The following TNR variants were observed in gnomAD, a reference collection of about 807,000 sequenced individuals.
TNR encodes the protein tenascin R, also known as tenascin-R.
A neutral mutation model predicts 150.4 loss-of-function variants in TNR; 45 were observed. That is an observed-to-expected ratio of 0.30 (90% CI 0.24 to 0.38). TNR has a LOEUF of 0.38. Ranked by LOEUF, TNR falls within the 10% of genes least tolerant of loss-of-function variation. The pLI is 1.00. For synonymous variants in TNR, 687 were observed against 678.4 expected (o/e 1.01, Z -0.20); for missense variants, 1,544 against 1,759.1 (o/e 0.88, Z 2.19).
chr1:175,553,923 A>G (rs921053873), intron 1 of TNR, among the ~76,000 whole-genome samples: 29 of 152,078 alleles, frequency 1.9e-4, no homozygotes, highest in African/African-American at 6.8e-4. Flanking sequence ...TGTGGGCAGA[A>G]CAAATGCATT....
chr1:175,316,086 A>G lies in TNR; in HGVS notation c.*7271T>C, dbSNP rs1034788748. On this transcript the variant is annotated 3_prime_UTR_variant, in exon 23 of 23. Transcript: ENST00000367674. ...TGTTCTGGGGTTCTTTCTTGGGGAG[A>G]TCTATTCCTTTATATATAAACATCA... is the stretch of plus-strand genomic sequence containing the variant. 1 of 152,154 alleles carries G rather than the reference A, an allele frequency of 6.6e-6. No individual in the cohort carries two copies. Among genetic ancestry groups the G allele is most frequent in the Admixed American group, 6.5e-5 (1 of 15,282 alleles). The allele number at this position is 152,154 out of a possible 1,614,324, so 9.4% of individuals were successfully genotyped here.
intron 1 of TNR, among the ~76,000 whole-genome samples, chr1:175,635,268 T>G (rs1412222261): frequency 2.6e-5 from 4 of 152,220 alleles, no homozygotes; most frequent in Non-Finnish European, 5.9e-5. Flanking sequence ...CTGGAGCAGC[T>G]CCATCTCGAG....
intron 2 of TNR, among the ~76,000 whole-genome samples, chr1:175,457,643 C>CA (rs892515625): frequency 2.5e-4 from 38 of 151,880 alleles, no homozygotes; most frequent in African/African-American, 6.8e-4. Flanking sequence ...GACCTTGAAG[C>CA]AAAAAAACAG....
At chr1:175,460,870 C>T (rs1303689428) in intron 2 of TNR, among the ~76,000 whole-genome samples, 1 of 152,170 alleles carries the variant, frequency 6.6e-6, no homozygotes, top group African/African-American at 2.4e-5. Context: ...CACACAGAAA[C>T]ACATGGATGC....
At chr1:175,594,705 A>C (rs890923913) in intron 1 of TNR, among the ~76,000 whole-genome samples, 1 of 152,056 alleles carries the variant, frequency 6.6e-6, no homozygotes, top group Non-Finnish European at 1.5e-5. Context: ...AGATACAAAA[A>C]TTATCCATGC....
At chr1:175,535,627 A>ATT (rs34901178) in intron 1 of TNR, among the ~76,000 whole-genome samples, 101 of 138,942 alleles carry the variant, frequency 7.3e-4, no homozygotes, top group African/African-American at 2.5e-3. Flanking sequence ...TGCCCGGCTA[A>ATT]TTTTTTTTTT....
intron 7 of TNR, 86 bp from the exon 8 acceptor site, chr1:175,386,387 G>T: frequency 2.2e-6 from 3 of 1,395,212 alleles, no homozygotes; most frequent in Non-Finnish European, 2.8e-6. Context: ...CCTTATGGAA[G>T]TCTGGTGAGT....
chr1:175,466,712 G>A (rs929157615), intron 2 of TNR, among the ~76,000 whole-genome samples: 2 of 152,192 alleles, frequency 1.3e-5, no homozygotes, highest in African/African-American at 4.8e-5. Flanking sequence ...GGACCACCTG[G>A]CATTGTCTGA....
chr1:175,452,646 C>T lies in TNR; in HGVS notation c.-63-45869G>A, dbSNP rs1656379049. Reference sequence around the variant, plus strand: ...GTGACAGAAGCTGGGACCTGTGGGGCCTAGTGGATGAGGGAAAAGAGTTTA... The same window carrying T: ...GTGACAGAAGCTGGGACCTGTGGGGTCTAGTGGATGAGGGAAAAGAGTTTA... On this transcript the variant is annotated intron_variant, in intron 2 of 22. Transcript: ENST00000367674. Among the ~76,000 whole-genome samples the T allele has an allele frequency of 4.6e-5, 7 of 152,142 alleles. No homozygotes were observed. The South Asian group carries it at 1.2e-3, about 27-fold the overall frequency.
chr1:175,353,148 G>T (rs1306885967), intron 18 of TNR, among the ~76,000 whole-genome samples: 1 of 151,438 alleles, frequency 6.6e-6, no homozygotes, highest in African/African-American at 2.4e-5. Flanking sequence ...GAGGCACAGT[G>T]GGAGGTGGTA....
Position 175,677,463 on chromosome 1 carries a change from G to A in TNR, c.-165+65763C>T, listed in dbSNP as rs182022750. Among the ~76,000 whole-genome samples the A allele has an allele frequency of 2.4e-3, 366 of 152,254 alleles. 2 individuals carry two copies. Among genetic ancestry groups the A allele is most frequent in the African/African-American group, 8.3e-3 (344 of 41,532 alleles). ...CACAGGAGGGAGAAGTCATCCTCAC[G>A]AGGGACTCTCCCATCAGAGCACATC... On this transcript the variant is annotated intron_variant, in intron 1 of 22. Transcript: ENST00000367674.
rs754333098 is a variant in TNR at position 175,417,075 on chromosome 1, G to GAAAGAAAGAAAGAAATAAATAAAT, written c.-63-10299_-63-10298insATTTATTTATTTCTTTCTTTCTTT. On this transcript the variant is annotated intron_variant, in intron 2 of 22. Transcript: ENST00000367674. ...AGAAAGAAAGAAAGAAAGAAAGAAA[G>GAAAGAAAGAAAGAAATAAATAAAT]AAATCTAAGAAGTGGTCTCTTCCCT... is the stretch of plus-strand genomic sequence containing the variant. Among the ~76,000 whole-genome samples the GAAAGAAAGAAAGAAATAAATAAAT allele has an allele frequency of 4.8e-4, 66 of 138,248 alleles. No homozygotes were observed. The East Asian group carries it at 5.4e-3, about 11-fold the overall frequency. 90.7% of individuals were successfully genotyped at this position (138,248 alleles called of 152,430 possible).
At chr1:175,342,494 T>C (rs1650570917) in intron 18 of TNR, among the ~76,000 whole-genome samples, 1 of 152,146 alleles carries the variant, frequency 6.6e-6, no homozygotes, top group South Asian at 2.1e-4. Flanking sequence ...TGGGATCATG[T>C]CATTTATGGA....
chr1:175,367,394 T>C (rs6697701), intron 9 of TNR, 97 bp from the exon 10 acceptor site: 658,021 of 943,698 alleles, frequency 0.7, 231,690 homozygotes, highest in East Asian at 0.84. Flanking sequence ...CCTATTCATA[T>C]CTTGTGTTTA....
intron 14 of TNR, among the ~76,000 whole-genome samples, chr1:175,361,812 C>T (rs1418891374): frequency 1.3e-5 from 2 of 152,190 alleles, no homozygotes; most frequent in Non-Finnish European, 2.9e-5. Context: ...GCTGTGCCTG[C>T]TAGTGAGTTC....
At chr1:175,336,026 G>T (rs978955621) in intron 19 of TNR, among the ~76,000 whole-genome samples, 1 of 152,180 alleles carries the variant, frequency 6.6e-6, no homozygotes, top group Non-Finnish European at 1.5e-5. Context: ...AAGTGTAGAG[G>T]CCCCTGATGA....
Position 175,613,532 on chromosome 1 carries a change from C to A in TNR, c.-164-85163G>T, listed in dbSNP as rs550264283. Among the ~76,000 whole-genome samples, 4 of 148,610 alleles carry A rather than the reference C, an allele frequency of 2.7e-5. No homozygotes were observed. The East Asian group carries it at 8.4e-4, about 31-fold the overall frequency. Reference sequence around the variant, plus strand: ...TCTCGCCTGCAGCTAATCTCACTGGCATGATTGGAGCCTGCCCTCTGTAGC... The same window carrying A: ...TCTCGCCTGCAGCTAATCTCACTGGAATGATTGGAGCCTGCCCTCTGTAGC... On this transcript the variant is annotated intron_variant, in intron 1 of 22. Coordinates refer to ENST00000367674, the MANE Select transcript of TNR (RefSeq NM_003285.3).
At chr1:175,565,271 A>G (rs2102214077) in intron 1 of TNR, among the ~76,000 whole-genome samples, 1 of 152,260 alleles carries the variant, frequency 6.6e-6, no homozygotes, top group Middle Eastern at 3.4e-3. Context: ...TCTTTTTAGC[A>G]TTTCCCTCCT....
chr1:175,695,193 C>T (rs972184500), intron 1 of TNR, among the ~76,000 whole-genome samples: 1 of 152,124 alleles, frequency 6.6e-6, no homozygotes, highest in African/African-American at 2.4e-5. Context: ...CTTTTTGGAT[C>T]CCTTGCTCTT....
Sources: allele counts gnomAD v4.1 joint callset (sites outside exome capture counted in the v4.1 genomes callset), GRCh38; gene constraint gnomAD v4.1.1; transcripts MANE v1.5; gene names NCBI Gene and HGNC (gene_info 2026-07-23, HGNC 2026-07-21).